PRKX: variants seen among roughly 807,000 people sequenced by gnomAD.
PRKX encodes protein kinase cAMP-dependent X-linked catalytic subunit.
PRKX carries 12 observed loss-of-function variants against 22.0 expected under a neutral mutation model. That is an observed-to-expected ratio of 0.54 (90% CI 0.35 to 0.88). The LOEUF is 0.88. PRKX is among the 40% of genes least tolerant of loss of function. The probability of loss-of-function intolerance (pLI) is 0.01; values close to 1 mark genes in which losing one functional copy is unlikely to be tolerated. For synonymous variants in PRKX, 134 were observed against 137.7 expected (o/e 0.97, Z 0.19); for missense variants, 217 against 308.0 (o/e 0.70, Z 2.21).
rs144376546 is a variant in PRKX, at chrX:3,606,825, T to C, written c.*2144A>G. 8.9e-6 allele frequency: 1 copy of C among 112,597 alleles called. No homozygotes were observed. The highest frequency in any genetic ancestry group is 1.9e-5 in the Non-Finnish European group (1 of 53,347). The allele number at this position is 112,597 out of a possible 1,213,427, so 9.3% of individuals were successfully genotyped here. ...TTGTGTCACTTCAAATGCTGAAATG[T>C]GTGTGATGGTCCAAAGTGGGTTTCA... is the stretch of plus-strand genomic sequence containing the variant. On this transcript the variant is annotated 3_prime_UTR_variant, in exon 9 of 9. Coordinates refer to ENST00000262848, the MANE Select transcript of PRKX (RefSeq NM_005044.5).
intron 1 of PRKX, among the ~76,000 whole-genome samples, chrX:3,696,777 C>T (rs12389190): frequency 0.42 from 46,790 of 111,037 alleles, 7,793 homozygotes; most frequent in African/African-American, 0.6. Flanking sequence ...CCCAGCTCTT[C>T]GGGAGGCCGA....
intron 2 of PRKX, among the ~76,000 whole-genome samples, chrX:3,660,149 G>C (rs1927565867): frequency 8.9e-6 from 1 of 112,017 alleles, no homozygotes; most frequent in Non-Finnish European, 1.9e-5. Context: ...AGACAACCAT[G>C]ATTTCATGAT....
intron 2 of PRKX, among the ~76,000 whole-genome samples, chrX:3,665,588 G>A (rs1284615622): frequency 9.0e-6 from 1 of 111,535 alleles, no homozygotes; most frequent in Non-Finnish European, 1.9e-5. Context: ...CAGCCAAGAG[G>A]TGGAAGGCAC....
At chrX:3,638,155 T>C (rs1926933730) in intron 4 of PRKX, among the ~76,000 whole-genome samples, 1 of 111,804 alleles carries the variant, frequency 8.9e-6, no homozygotes, top group African/African-American at 3.2e-5. Flanking sequence ...AATATTCCAA[T>C]GTTATAGCCT....
At chrX:3,669,792 C>T (rs1283275670) in intron 2 of PRKX, among the ~76,000 whole-genome samples, 6 of 111,907 alleles carry the variant, frequency 5.4e-5, no homozygotes, top group African/African-American at 1.6e-4. Flanking sequence ...ATCATTTACA[C>T]CTATCTTAAT....
At chrX:3,683,951 C>G (rs1928123636) in intron 1 of PRKX, among the ~76,000 whole-genome samples, 1 of 111,249 alleles carries the variant, frequency 9.0e-6, no homozygotes, top group South Asian at 3.7e-4. Context: ...ACATTTTCAT[C>G]CAAAAAAAAC....
At chrX:3,694,378 A>T (rs1315460963) in intron 1 of PRKX, among the ~76,000 whole-genome samples, 1 of 110,323 alleles carries the variant, frequency 9.1e-6, no homozygotes, top group Non-Finnish European at 1.9e-5. Flanking sequence ...AAAGAGCGAA[A>T]CTCCATCACC....
At chrX:3,674,365 G>A (rs182490878) in intron 2 of PRKX, among the ~76,000 whole-genome samples, 10 of 111,807 alleles carry the variant, frequency 8.9e-5, no homozygotes, top group Non-Finnish European at 1.5e-4. Flanking sequence ...CCTTGGGCAC[G>A]GACTTCTGAA....
chrX:3,701,541 T>C (rs1928573114), intron 1 of PRKX, among the ~76,000 whole-genome samples: 1 of 112,510 alleles, frequency 8.9e-6, no homozygotes, highest in Admixed American at 9.5e-5. Context: ...TGAAGAATAA[T>C]TCCCTATGAC....
chrX:3,707,539 T>G (rs1242127472), intron 1 of PRKX, among the ~76,000 whole-genome samples: 1 of 111,573 alleles, frequency 9.0e-6, no homozygotes, highest in Non-Finnish European at 1.9e-5. Flanking sequence ...GCAGAATGCT[T>G]GAGCCCAGGG....
rs756411543 is a variant in PRKX at position 3,641,428 on chromosome X, A to G, written c.719+424T>C. ...TGCAGAAGATTCATTTTTTAATTTAATTTTTAAATTCTTTTTAAGACTAAA... is the reference window on the plus strand; with the variant it reads ...TGCAGAAGATTCATTTTTTAATTTAGTTTTTAAATTCTTTTTAAGACTAAA... On this transcript the variant is annotated intron_variant, in intron 4 of 8. Transcript: ENST00000262848. 3.6e-5 allele frequency: 5 copies of G among 138,337 alleles called. No individual in the cohort carries two copies. In the East Asian group the frequency reaches 1.2e-3, roughly 32 times the overall value. 11.4% of individuals were successfully genotyped at this position (138,337 alleles called of 1,213,427 possible). A position where few individuals can be genotyped will look rare whatever the true frequency, so the allele number is the denominator to read the frequency against.
intron 6 of PRKX, among the ~76,000 whole-genome samples, chrX:3,617,480 C>CA (rs925128333): frequency 1.8e-5 from 2 of 108,867 alleles, no homozygotes; most frequent in African/African-American, 6.7e-5. Context: ...CTGGTCTCTA[C>CA]AAAAAAACAT....
chrX:3,697,291 A>G (rs760422663), intron 1 of PRKX, among the ~76,000 whole-genome samples: 2 of 108,988 alleles, frequency 1.8e-5, no homozygotes, highest in Non-Finnish European at 3.8e-5. Flanking sequence ...GCTTGAGCCC[A>G]GGAGGTGAAG....
At chrX:3,702,449 C>T (rs1928597144) in intron 1 of PRKX, among the ~76,000 whole-genome samples, 1 of 111,419 alleles carries the variant, frequency 9.0e-6, no homozygotes, top group Admixed American at 9.6e-5. Flanking sequence ...GATGGGGTAC[C>T]TCCCCAGTAT....
In PRKX at chrX:3,677,138, A is replaced by G. The variant is rs148938269; in HGVS notation, c.167-2372T>C. 9.0e-5 allele frequency among the ~76,000 whole-genome samples: 10 copies of G among 111,021 alleles called. No individual in the cohort carries two copies. The East Asian group carries it at 2.5e-3, about 28-fold the overall frequency. Reference sequence around the variant, plus strand: ...GGGCTTGAGGGGGAAGGGGAAATATATTGGTCAAAGGATACAAAGTTTTAG... The same window carrying G: ...GGGCTTGAGGGGGAAGGGGAAATATGTTGGTCAAAGGATACAAAGTTTTAG... On this transcript the variant is annotated intron_variant, in intron 1 of 8. Coordinates refer to ENST00000262848, the MANE Select transcript of PRKX (RefSeq NM_005044.5).
chrX:3,659,717 G>GTTTTTGTTTTTTTTT lies in PRKX; in HGVS notation c.336-4306_336-4305insAAAAAAAAACAAAAA, dbSNP rs1569053338. Among the ~76,000 whole-genome samples, 3 of 28,039 alleles carry GTTTTTGTTTTTTTTT rather than the reference G, an allele frequency of 1.1e-4. 1 individual carries two copies. Among genetic ancestry groups the GTTTTTGTTTTTTTTT allele is most frequent in the Non-Finnish European group, 6.1e-5 (1 of 16,404 alleles). The allele number at this position is 28,039 out of a possible 115,157, so 24.3% of individuals were successfully genotyped here. ...ATTTTGTTGGAGTGGTGTTTTTTTTGTTTTTTTTTTTGTTTTTTTTTTTTT... is the reference window on the plus strand; with the variant it reads ...ATTTTGTTGGAGTGGTGTTTTTTTTGTTTTTGTTTTTTTTTTTTTTTTTTTTGTTTTTTTTTTTTT... On this transcript the variant is annotated intron_variant, in intron 2 of 8. Coordinates refer to ENST00000262848, the MANE Select transcript of PRKX (RefSeq NM_005044.5).
intron 3 of PRKX, among the ~76,000 whole-genome samples, chrX:3,647,076 A>G (rs1171382274): frequency 2.7e-5 from 3 of 111,146 alleles, no homozygotes; most frequent in African/African-American, 9.8e-5. Context: ...AAGTAACTAG[A>G]AAGACTTTTC....
chrX:3,688,266 T>C lies in PRKX; in HGVS notation c.167-13500A>G, dbSNP rs1422890654. Among the ~76,000 whole-genome samples, 524 of 86,645 alleles carry C rather than the reference T, an allele frequency of 6.0e-3. 12 individuals are homozygous for C. Among genetic ancestry groups the C allele is most frequent in the East Asian group, 0.041 (73 of 1,762 alleles). The allele number at this position is 86,645 out of a possible 115,157, so 75.2% of individuals were successfully genotyped here. Reference sequence around the variant, plus strand: ...TTCGAGACCAGCCCAGCCAACATGGTGAAACCCCATCTCTACTAAAAATAC... The same window carrying C: ...TTCGAGACCAGCCCAGCCAACATGGCGAAACCCCATCTCTACTAAAAATAC... On this transcript the variant is annotated intron_variant, in intron 1 of 8. Transcript: ENST00000262848.
intron 3 of PRKX, among the ~76,000 whole-genome samples, chrX:3,653,798 A>G (rs1158676751): frequency 3.6e-4 from 22 of 61,593 alleles, no homozygotes; most frequent in Admixed American, 1.5e-3. Flanking sequence ...TGATATATAT[A>G]ATATATATTA....
Sources: gnomAD v4.1 joint callset for allele counts (sites outside exome capture counted in the v4.1 genomes callset) on GRCh38, gnomAD v4.1.1 for gene constraint, MANE v1.5 for transcripts, NCBI Gene and HGNC (gene_info 2026-07-23, HGNC 2026-07-21) for gene names.